The following EIF5B variants were observed in gnomAD, a reference collection of about 807,000 sequenced individuals.
EIF5B encodes eukaryotic translation initiation factor 5B, also known as eIF-5B.
In EIF5B, 47 loss-of-function variants were observed where a neutral mutation model predicts 147.5. The ratio of observed to expected loss-of-function variants is 0.32; its 90% CI spans 0.25 to 0.41. The LOEUF (loss-of-function observed/expected upper bound fraction) is 0.41. EIF5B is among the 10% of genes least tolerant of loss of function. The pLI is 1.00. For synonymous variants in EIF5B, 455 were observed against 456.2 expected, an observed-to-expected ratio of 1.00 and a Z score of 0.03; for missense variants, 1,064 against 1,413.2, an observed-to-expected ratio of 0.75 and a Z score of 3.96.
chr2:99,353,005 C>CTT lies in EIF5B; in HGVS notation c.36-7205_36-7204dup, dbSNP rs529053292. 4.8e-4 allele frequency among the ~76,000 whole-genome samples: 30 copies of CTT among 62,848 alleles called. 1 individual carries two copies. Among genetic ancestry groups the CTT allele is most frequent in the African/African-American group, 1.3e-3 (20 of 15,082 alleles). The allele number at this position is 62,848 out of a possible 152,430, so 41.2% of individuals were successfully genotyped here. On this transcript the variant is annotated intron_variant, in intron 1 of 23. Transcript: ENST00000289371. The stretch of plus-strand genomic sequence containing the variant: ...GCCTGGCTAATTTTTTCTTCTTCTT[C>CTT]TTTTTTTTTTTTTTTTTTTTTTTTT...
chr2:99,395,455 T>G (rs1430156231), intron 21 of EIF5B, among the ~76,000 whole-genome samples: 2 of 152,220 alleles, frequency 1.3e-5, no homozygotes, highest in Non-Finnish European at 2.9e-5. Context: ...CACCTTGGCC[T>G]CCCGAGTAGT....
Position 99,371,815 on chromosome 2 carries a change from A to G in EIF5B, c.1552+85A>G, listed in dbSNP as rs1251230407. On this transcript the variant is annotated intron_variant, in intron 9 of 23. Coordinates refer to ENST00000289371, the MANE Select transcript of EIF5B (RefSeq NM_015904.4). Reference sequence around the variant, plus strand: ...TATTTAAATGAATAGTCTTTTGATTATGAAAGCCATATGAACATTTCTGGG... The same window carrying G: ...TATTTAAATGAATAGTCTTTTGATTGTGAAAGCCATATGAACATTTCTGGG... The G allele has an allele frequency of 3.9e-6, 5 of 1,282,642 alleles. No homozygotes were observed. In the African/African-American group the frequency reaches 7.6e-5, roughly 19 times the overall value. The allele number at this position is 1,282,642 out of a possible 1,614,324, so 79.5% of individuals were successfully genotyped here.
At chr2:99,346,310 G>C (rs932970362) in intron 1 of EIF5B, among the ~76,000 whole-genome samples, 20 of 152,190 alleles carry the variant, frequency 1.3e-4, no homozygotes, top group Admixed American at 1.3e-4. Flanking sequence ...GGTGCAGCCA[G>C]ACCATTCTAA....
chr2:99,363,568 G>A lies in EIF5B; in HGVS notation c.920-77G>A, dbSNP rs555536397. On this transcript the variant is annotated intron_variant, in intron 4 of 23. Transcript: ENST00000289371. ...CTTGGCCCATTATGGTCCTTGAATT[G>A]TGGTTGGGTTTTGCTCGTCATCACC... The A allele has an allele frequency of 2.8e-6, 4 of 1,421,318 alleles. No individual in the cohort carries two copies. The South Asian group carries it at 5.6e-5, about 20-fold the overall frequency. The allele number at this position is 1,421,318 out of a possible 1,614,324, so 88.0% of individuals were successfully genotyped here. A position where few individuals can be genotyped will look rare whatever the true frequency, so the allele number is the denominator to read the frequency against.
intron 9 of EIF5B, among the ~76,000 whole-genome samples, chr2:99,374,185 T>C (rs970858646): frequency 2.0e-5 from 3 of 149,454 alleles, no homozygotes; most frequent in African/African-American, 5.0e-5. Context: ...GCTACTCAGG[T>C]GACTGAGGCA....
intron 1 of EIF5B, among the ~76,000 whole-genome samples, chr2:99,359,473 C>T (rs144370009): frequency 2.4e-4 from 37 of 152,208 alleles, no homozygotes; most frequent in African/African-American, 8.9e-4. Flanking sequence ...CTTACTGTGC[C>T]ATTCATTTGG....
chr2:99,389,297 A>ATCCT (rs1674874283), intron 14 of EIF5B, among the ~76,000 whole-genome samples: 4 of 152,342 alleles, frequency 2.6e-5, no homozygotes, highest in African/African-American at 9.6e-5. Flanking sequence ...TTGAGCAATA[A>ATCCT]AATAATTAAA....
chr2:99,399,217 A>G (rs1374171020), intron 23 of EIF5B, 90 bp from the exon 24 acceptor site: 14 of 1,226,094 alleles, frequency 1.1e-5, no homozygotes. Context: ...TAAGCTTTTT[A>G]GTACAGTGAG....
chr2:99,361,498 A>G lies in EIF5B; in HGVS notation c.597A>G (p.Gly199=), dbSNP rs954406716. The change falls in exon 4 of 24, where the codon GGA becomes GGG. Residue 199 remains glycine (G), a synonymous_variant. Coordinates refer to ENST00000289371, the MANE Select transcript of EIF5B (RefSeq NM_015904.4). The stretch of plus-strand genomic sequence containing the variant: ...ATGAATTTTTGCAATCTAGAAAAGG[A>G]CAGAAAAAAAATCAGAAAAACAAGC... ...ESDEFLQSRK[G]QKKNQKNKPG... The G allele has an allele frequency of 1.9e-6, 3 of 1,613,942 alleles. No individual in the cohort carries two copies. The highest frequency in any genetic ancestry group is 2.5e-6 in the Non-Finnish European group (3 of 1,180,014).
chr2:99,367,365 A>G (rs1280806901), intron 6 of EIF5B, among the ~76,000 whole-genome samples: 1 of 152,120 alleles, frequency 6.6e-6, no homozygotes, highest in Non-Finnish European at 1.5e-5. Context: ...CCAGAAAGCT[A>G]TACGCATCTG....
intron 21 of EIF5B, among the ~76,000 whole-genome samples, chr2:99,396,426 G>A (rs1675048984): frequency 6.6e-6 from 1 of 152,194 alleles, no homozygotes; most frequent in South Asian, 2.1e-4. Flanking sequence ...CTAAGCCCCA[G>A]ACTGTGGCTG....
intron 1 of EIF5B, among the ~76,000 whole-genome samples, chr2:99,343,761 C>T (rs2094266244): frequency 6.6e-6 from 1 of 151,508 alleles, no homozygotes; most frequent in Admixed American, 6.6e-5. Context: ...TTGCAGTGAG[C>T]CAAGATTGCA....
Position 99,337,507 on chromosome 2 carries a change from T to G in EIF5B, c.-48T>G. On this transcript the variant is annotated 5_prime_UTR_variant, in exon 1 of 24. Coordinates refer to ENST00000289371, the MANE Select transcript of EIF5B (RefSeq NM_015904.4). The stretch of plus-strand genomic sequence containing the variant: ...AGTCAGCCGGGAGACAGTGGGTCTG[T>G]GAGAGACCGAATAGAGGGGCTGGGG... The G allele has an allele frequency of 6.2e-7, 1 of 1,601,828 alleles. No homozygotes were observed. Among genetic ancestry groups the G allele is most frequent in the Non-Finnish European group, 8.5e-7 (1 of 1,174,374 alleles).
intron 12 of EIF5B, among the ~76,000 whole-genome samples, chr2:99,381,909 T>A (rs1674697015): frequency 6.6e-6 from 1 of 152,180 alleles, no homozygotes; most frequent in Admixed American, 6.5e-5. Context: ...AAACTTGGAC[T>A]ACAGTCATAG....
intron 9 of EIF5B, among the ~76,000 whole-genome samples, chr2:99,372,512 A>G (rs1321043632): frequency 2.0e-5 from 3 of 151,954 alleles, no homozygotes; most frequent in Non-Finnish European, 2.9e-5. Flanking sequence ...CTAATTTTGT[A>G]TTTTTAGTAG....
intron 9 of EIF5B, among the ~76,000 whole-genome samples, chr2:99,373,488 T>G (rs1461789032): frequency 6.6e-6 from 1 of 152,116 alleles, no homozygotes; most frequent in Non-Finnish European, 1.5e-5. Context: ...CGGGCGTGAA[T>G]CCATTTATGA....
intron 1 of EIF5B, among the ~76,000 whole-genome samples, chr2:99,345,646 T>C (rs1312211602): frequency 1.3e-5 from 2 of 149,664 alleles, no homozygotes; most frequent in African/African-American, 4.9e-5. Flanking sequence ...TTGCCACTTG[T>C]AGAACATAGG....
intron 21 of EIF5B, among the ~76,000 whole-genome samples, chr2:99,395,950 G>A (rs546083405): frequency 8.5e-4 from 130 of 152,276 alleles, no homozygotes; most frequent in African/African-American, 2.8e-3. Flanking sequence ...AGAAGCCATT[G>A]CCAAGGCTGT....
Position 99,346,338 on chromosome 2 carries a change from T to A in EIF5B, c.35+8749T>A, listed in dbSNP as rs146412962. ...CATTCTAATGATGGTGTTCACCAAA[T>A]TGGTTATTCAGAAATCTGGTCTTGA... On this transcript the variant is annotated intron_variant, in intron 1 of 23. Transcript: ENST00000289371. 3.2e-3 allele frequency among the ~76,000 whole-genome samples: 481 copies of A among 152,298 alleles called. 1 individual carries two copies. Among genetic ancestry groups the A allele is most frequent in the African/African-American group, 0.011 (452 of 41,544 alleles).
Sources: allele counts gnomAD v4.1 joint callset (sites outside exome capture counted in the v4.1 genomes callset), GRCh38; gene constraint gnomAD v4.1.1; transcripts MANE v1.5; gene names NCBI Gene and HGNC (gene_info 2026-07-23, HGNC 2026-07-21).